SPAG16: variants seen among roughly 807,000 people sequenced by gnomAD.
SPAG16 encodes sperm associated antigen 16.
In SPAG16, 86 loss-of-function variants were observed where a neutral mutation model predicts 80.4. That is an observed-to-expected ratio of 1.07 (90% CI 0.90 to 1.28). The LOEUF (loss-of-function observed/expected upper bound fraction) is 1.28. Ranked by LOEUF, SPAG16 falls within the 50% of genes most tolerant of loss-of-function variation. The pLI is 0.00. For synonymous variants in SPAG16, 294 were observed against 265.9 expected, an observed-to-expected ratio of 1.11 and a Z score of -1.03; for missense variants, 870 against 765.3, an observed-to-expected ratio of 1.14 and a Z score of -1.61.
At chr2:213,814,418 G>T (rs1381912581) in intron 10 of SPAG16, among the ~76,000 whole-genome samples, 2 of 152,070 alleles carry the variant, frequency 1.3e-5, no homozygotes. Context: ...AAACAATTGG[G>T]CACTATAGTC....
At position 213,645,086 on chromosome 2, in the gene SPAG16, C is replaced by T. The variant is rs183440034; in HGVS notation, c.1070+154996C>T. ...ACTTGATGCAGTTCTTCCCACTTTTCTCTTCCCTTTCCAAAGGCAGAGGAG... is the reference window on the plus strand; with the variant it reads ...ACTTGATGCAGTTCTTCCCACTTTTTTCTTCCCTTTCCAAAGGCAGAGGAG... On this transcript the variant is annotated intron_variant, in intron 10 of 15. Transcript: ENST00000331683. Among the ~76,000 whole-genome samples, 836 of 152,308 alleles carry T rather than the reference C, an allele frequency of 5.5e-3. 12 individuals are homozygous for T. The highest frequency in any genetic ancestry group is 0.019 in the African/African-American group (784 of 41,578).
chr2:213,564,959 A>G (rs1250663470), intron 10 of SPAG16, among the ~76,000 whole-genome samples: 6 of 152,198 alleles, frequency 3.9e-5, no homozygotes, highest in South Asian at 2.1e-4. Context: ...TATAATCACA[A>G]AAATGAATTT....
rs183374094 is a variant in SPAG16 at position 213,680,966 on chromosome 2, G to C, written c.1071-181519G>C. On this transcript the variant is annotated intron_variant, in intron 10 of 15. Coordinates refer to ENST00000331683, the MANE Select transcript of SPAG16 (RefSeq NM_024532.5). ...CTGAAGAACTAGGATCAATGGAAAGGAATGTTTAGGTTAAGATAAAGGATT... is the reference window on the plus strand; with the variant it reads ...CTGAAGAACTAGGATCAATGGAAAGCAATGTTTAGGTTAAGATAAAGGATT... Among the ~76,000 whole-genome samples the C allele has an allele frequency of 2.1e-3, 313 of 152,292 alleles. 2 individuals carry two copies. Among genetic ancestry groups the C allele is most frequent in the African/African-American group, 7.3e-3 (305 of 41,570 alleles).
chr2:213,825,762 T>C (rs2073252903), intron 10 of SPAG16, among the ~76,000 whole-genome samples: 1 of 149,494 alleles, frequency 6.7e-6, no homozygotes, highest in Non-Finnish European at 1.5e-5. Flanking sequence ...TGGTTAACAG[T>C]GGACTCATAT....
At chr2:213,486,086 T>C (rs2073958849) in intron 9 of SPAG16, among the ~76,000 whole-genome samples, 1 of 152,160 alleles carries the variant, frequency 6.6e-6, no homozygotes, top group African/African-American at 2.4e-5. Flanking sequence ...GTTTGAATTA[T>C]TCTCTTCTAG....
chr2:214,323,699 A>G (rs2125998083), intron 15 of SPAG16, among the ~76,000 whole-genome samples: 1 of 152,376 alleles, frequency 6.6e-6, no homozygotes, highest in South Asian at 2.1e-4. Flanking sequence ...CATTTTCACA[A>G]ATTGAATTAC....
chr2:214,310,600 G>T (rs1323485952), intron 15 of SPAG16, among the ~76,000 whole-genome samples: 1 of 152,188 alleles, frequency 6.6e-6, no homozygotes, highest in African/African-American at 2.4e-5. Flanking sequence ...GCTCATGGAG[G>T]GAGTTTGTGG....
intron 11 of SPAG16, among the ~76,000 whole-genome samples, chr2:213,926,774 A>G (rs1160896439): frequency 2.0e-5 from 3 of 152,072 alleles, no homozygotes; most frequent in Non-Finnish European, 4.4e-5. Context: ...TGTTAATTTT[A>G]TTAGCTCATC....
At chr2:213,422,218 C>T (rs892957470) in intron 9 of SPAG16, 3 of 701,686 alleles carry the variant, frequency 4.3e-6, no homozygotes, top group Non-Finnish European at 7.8e-6. Flanking sequence ...GTGACACCCT[C>T]TTTGGGGCTG....
At chr2:214,359,914 A>G (rs1380695491) in intron 15 of SPAG16, among the ~76,000 whole-genome samples, 1 of 151,882 alleles carries the variant, frequency 6.6e-6, no homozygotes, top group Non-Finnish European at 1.5e-5. Flanking sequence ...TGACTTGGTT[A>G]CAGTCCCTCT....
At chr2:214,292,263 C>G (rs1693855543) in intron 15 of SPAG16, among the ~76,000 whole-genome samples, 1 of 151,978 alleles carries the variant, frequency 6.6e-6, no homozygotes, top group South Asian at 2.1e-4. Flanking sequence ...GATCACTGGG[C>G]CTTCTGTATC....
chr2:213,934,287 C>A (rs912123622), intron 12 of SPAG16, among the ~76,000 whole-genome samples: 1 of 152,150 alleles, frequency 6.6e-6, no homozygotes, highest in South Asian at 2.1e-4. Context: ...GTTATTCTGT[C>A]CTTACTTCAC....
At chr2:213,605,897 T>C (rs1465786627) in intron 10 of SPAG16, among the ~76,000 whole-genome samples, 1 of 152,240 alleles carries the variant, frequency 6.6e-6, no homozygotes. Flanking sequence ...TACAATTATA[T>C]AAACAACTTA....
intron 10 of SPAG16, among the ~76,000 whole-genome samples, chr2:213,754,223 C>T (rs2068214370): frequency 6.6e-6 from 1 of 152,068 alleles, no homozygotes; most frequent in Admixed American, 6.6e-5. Flanking sequence ...AAGTTTAGAA[C>T]AGAAAGACAA....
intron 10 of SPAG16, among the ~76,000 whole-genome samples, chr2:213,849,320 A>G (rs2074787296): frequency 6.6e-6 from 1 of 152,250 alleles, no homozygotes; most frequent in African/African-American, 2.4e-5. Context: ...ATCCACCCCC[A>G]TGGCCCAAAC....
intron 15 of SPAG16, 130 bp downstream of exon 15, chr2:214,149,396 C>A (rs2055863224): frequency 1.2e-5 from 9 of 768,654 alleles, no homozygotes; most frequent in Non-Finnish European, 1.6e-5. Context: ...CATTATATTA[C>A]ATTACATTAA....
At chr2:214,255,860 G>T (rs969904696) in intron 15 of SPAG16, among the ~76,000 whole-genome samples, 1 of 151,766 alleles carries the variant, frequency 6.6e-6, no homozygotes, top group African/African-American at 2.4e-5. Flanking sequence ...TACGAATTAC[G>T]CTATTAATGT....
intron 10 of SPAG16, among the ~76,000 whole-genome samples, chr2:213,551,536 A>T (rs1190327244): frequency 6.6e-6 from 1 of 152,178 alleles, no homozygotes; most frequent in Non-Finnish European, 1.5e-5. Context: ...AAGTTGGGAC[A>T]CTTCTGTCAT....
chr2:214,108,387 T>A (rs2053488072), intron 14 of SPAG16, 126 bp downstream of exon 14: 1 of 689,312 alleles, frequency 1.5e-6, no homozygotes, highest in Non-Finnish European at 2.4e-6. Flanking sequence ...AGGAATTAGT[T>A]GTAAACAATA....
Sources: allele counts gnomAD v4.1 joint callset (sites outside exome capture counted in the v4.1 genomes callset), GRCh38; gene constraint gnomAD v4.1.1; transcripts MANE v1.5; gene names NCBI Gene and HGNC (gene_info 2026-07-23, HGNC 2026-07-21).